Variants in PSMD4 observed in about 807,000 individuals in gnomAD.
PSMD4 encodes the protein 26S proteasome non-ATPase regulatory subunit 4.
PSMD4 carries 5 observed loss-of-function variants against 39.7 expected under a neutral mutation model. That is an observed-to-expected ratio of 0.13 (90% CI 0.07 to 0.26). PSMD4 has a LOEUF of 0.26. Ranked by LOEUF, PSMD4 falls within the 10% of genes least tolerant of loss-of-function variation. The pLI is 1.00. For synonymous variants in PSMD4, 143 were observed against 174.6 expected (o/e 0.82, Z 1.43); for missense variants, 272 against 486.1 (o/e 0.56, Z 4.14).
rs192780877 is a variant in PSMD4, at chr1:151,254,890, G to C, written c.26+82G>C. The C allele has an allele frequency of 9.2e-5, 119 of 1,290,020 alleles. 2 individuals carry two copies. Among genetic ancestry groups the C allele is most frequent in the Non-Finnish European group, 1.2e-4 (116 of 973,406 alleles). 79.9% of individuals were successfully genotyped at this position (1,290,020 alleles called of 1,614,324 possible). On this transcript the variant is annotated intron_variant, in intron 1 of 9. Coordinates refer to ENST00000368884, the MANE Select transcript of PSMD4 (RefSeq NM_002810.4). ...CCAAGGCAGGGAGGGCCTGGGGTGG[G>C]GGCCAGGGGCTCATGGGCGAGAGGC...
intron 3 of PSMD4, among the ~76,000 whole-genome samples, chr1:151,264,469 A>G (rs764586738): frequency 6.6e-6 from 1 of 152,076 alleles, no homozygotes; most frequent in Non-Finnish European, 1.5e-5. Context: ...GTGAAACCCC[A>G]TCTCTACTGA....
Position 151,256,375 on chromosome 1 carries a change from AT to A in PSMD4, c.26+1568del, listed in dbSNP as rs1227320093. ...AAAAAAATAATAATAAAATAAATAAATAAATAAATAAATAAATAAAAATAAA... is the reference window on the plus strand; with the variant it reads ...AAAAAAATAATAATAAAATAAATAAAAAATAAATAAATAAATAAAAATAAA... On this transcript the variant is annotated intron_variant, in intron 1 of 9. Coordinates refer to ENST00000368884, the MANE Select transcript of PSMD4 (RefSeq NM_002810.4). Among the ~76,000 whole-genome samples the A allele has an allele frequency of 2.2e-3, 331 of 148,154 alleles. 7 individuals carry two copies. Among genetic ancestry groups the A allele is most frequent in the Non-Finnish European group, 4.2e-3 (280 of 66,800 alleles).
chr1:151,261,954 CA>C (rs11370693), intron 1 of PSMD4, among the ~76,000 whole-genome samples: 77 of 124,998 alleles, frequency 6.2e-4, no homozygotes, highest in Admixed American at 8.5e-4. Context: ...GACCCTATCT[CA>C]AAAAAAAAAA....
chr1:151,256,830 A>C (rs1412289383), intron 1 of PSMD4, among the ~76,000 whole-genome samples: 1 of 146,944 alleles, frequency 6.8e-6, no homozygotes, highest in Non-Finnish European at 1.5e-5. Context: ...GCTCACCGCA[A>C]CCTCCGCCTC....
chr1:151,258,299 A>G (rs1693225747), intron 1 of PSMD4, among the ~76,000 whole-genome samples: 1 of 152,060 alleles, frequency 6.6e-6, no homozygotes, highest in South Asian at 2.1e-4. Context: ...AAGTGCTGAG[A>G]TTACAGGCAT....
chr1:151,265,120 CT>C (rs369646114), intron 4 of PSMD4, 45 bp from the exon 5 acceptor site: 5 of 1,458,344 alleles, frequency 3.4e-6, no homozygotes, highest in Non-Finnish European at 4.7e-6. Flanking sequence ...CTTTCCCCCC[CT>C]CGAGTATGGA....
chr1:151,254,871 C>A, intron 1 of PSMD4, 63 bp downstream of exon 1: 11 of 1,429,692 alleles, frequency 7.7e-6, no homozygotes, highest in Non-Finnish European at 8.2e-6. Context: ...AGCGCCAAGG[C>A]AGGGAGGGCC....
intron 2 of PSMD4, 150 bp downstream of exon 2, chr1:151,262,451 T>C (rs1310205355): frequency 2.3e-6 from 2 of 859,970 alleles, no homozygotes; most frequent in Admixed American, 2.3e-5. Context: ...ACTTGTTTTT[T>C]GTATTAACCT....
chr1:151,256,292 C>G (rs1243333762), intron 1 of PSMD4, among the ~76,000 whole-genome samples: 4 of 144,054 alleles, frequency 2.8e-5, no homozygotes, highest in Non-Finnish European at 1.5e-5. Flanking sequence ...TGCAGTGAGC[C>G]GAGATGGCGC....
At chr1:151,260,169 A>C (rs1450309197) in intron 1 of PSMD4, among the ~76,000 whole-genome samples, 1 of 151,926 alleles carries the variant, frequency 6.6e-6, no homozygotes, top group Non-Finnish European at 1.5e-5. Context: ...ATTGCACTCC[A>C]GCCTGGGCAA....
chr1:151,261,569 A>T (rs1693320654), intron 1 of PSMD4, among the ~76,000 whole-genome samples: 1 of 152,228 alleles, frequency 6.6e-6, no homozygotes, highest in Non-Finnish European at 1.5e-5. Flanking sequence ...AAAGCTTAGT[A>T]GCACTTAAGT....
intron 1 of PSMD4, among the ~76,000 whole-genome samples, chr1:151,258,810 G>A (rs1250895821): frequency 6.6e-6 from 1 of 152,070 alleles, no homozygotes; most frequent in Non-Finnish European, 1.5e-5. Flanking sequence ...AGCTACTTAG[G>A]AGGCTGAGGC....
At position 151,258,772 on chromosome 1, in the gene PSMD4, T is replaced by C. The variant is rs113836283; in HGVS notation, c.27-3389T>C. Among the ~76,000 whole-genome samples the C allele has an allele frequency of 7.4e-4, 113 of 152,148 alleles. 1 individual carries two copies. The highest frequency in any genetic ancestry group is 3.7e-3 in the South Asian group (18 of 4,816). ...CATCACACCCAGCCTGTATTCTCTT[T>C]TAAAATAAAGGTTTTGGCGGTAATC... is the stretch of plus-strand genomic sequence containing the variant. On this transcript the variant is annotated intron_variant, in intron 1 of 9. Coordinates refer to ENST00000368884, the MANE Select transcript of PSMD4 (RefSeq NM_002810.4).
At chr1:151,263,870 T>C (rs772810381) in intron 2 of PSMD4, 44 bp from the exon 3 acceptor site, 21 of 1,332,190 alleles carry the variant, frequency 1.6e-5, no homozygotes, top group Non-Finnish European at 2.1e-5. Flanking sequence ...TTAGAGGTAC[T>C]TGTGCTGACC....
intron 1 of PSMD4, among the ~76,000 whole-genome samples, chr1:151,256,000 G>C (rs947937577): frequency 1.3e-5 from 2 of 151,988 alleles, no homozygotes; most frequent in African/African-American, 4.8e-5. Flanking sequence ...CTAATGATCA[G>C]TGATATTGAG....
intron 2 of PSMD4, among the ~76,000 whole-genome samples, chr1:151,263,422 C>T (rs182248954): frequency 2.2e-3 from 327 of 152,016 alleles, no homozygotes; most frequent in African/African-American, 7.3e-3. Context: ...TGAGATTCGC[C>T]ACTGCACGCC....
chr1:151,255,071 C>G (rs1693132430), intron 1 of PSMD4, among the ~76,000 whole-genome samples: 1 of 152,232 alleles, frequency 6.6e-6, no homozygotes, highest in Non-Finnish European at 1.5e-5. Context: ...GCCGTCTTCT[C>G]TAGAGCAGCC....
chr1:151,263,854 C>A, intron 2 of PSMD4, 60 bp from the exon 3 acceptor site: 2 of 1,151,272 alleles, frequency 1.7e-6, no homozygotes, highest in Non-Finnish European at 2.5e-6. Context: ...AAAAGTTAGA[C>A]ACAGTTTAGA....
chr1:151,265,324 G>A, intron 5 of PSMD4, 70 bp from the exon 6 acceptor site: 3 of 1,596,094 alleles, frequency 1.9e-6, no homozygotes, highest in South Asian at 2.2e-5. Context: ...CTGTGGCAGA[G>A]TAGTGCAGAA....
Sources: gnomAD v4.1 joint callset for allele counts (sites outside exome capture counted in the v4.1 genomes callset) on GRCh38, gnomAD v4.1.1 for gene constraint, MANE v1.5 for transcripts, NCBI Gene and HGNC (gene_info 2026-07-23, HGNC 2026-07-21) for gene names.